VPS33A: variants seen among roughly 807,000 people sequenced by gnomAD.
VPS33A encodes vacuolar protein sorting-associated protein 33A.
Under a neutral mutation model 71.8 loss-of-function variants are expected in VPS33A, and 32 were observed. The ratio of observed to expected loss-of-function variants is 0.45; its 90% CI spans 0.34 to 0.60. The LOEUF (loss-of-function observed/expected upper bound fraction) is 0.60, where lower values mean the gene tolerates loss of function less well. VPS33A is among the 20% of genes least tolerant of loss of function. The probability of loss-of-function intolerance (pLI) is 0.02; values close to 1 mark genes in which losing one functional copy is unlikely to be tolerated. For synonymous variants in VPS33A, 311 were observed against 292.7 expected (o/e 1.06, Z -0.64); for missense variants, 625 against 748.5 (o/e 0.84, Z 1.92).
rs902448655 is a variant in VPS33A, at chr12:122,242,636, T to A, written c.970-128A>T. On this transcript the variant is annotated intron_variant, in intron 7 of 12. Coordinates refer to ENST00000267199, the MANE Select transcript of VPS33A (RefSeq NM_022916.6). Reference sequence around the variant, plus strand: ...GGCGCAATCTCGGCTCACTGCAACCTCCGCCTCCCAGGTTCAAGTGATTCT... The same window carrying A: ...GGCGCAATCTCGGCTCACTGCAACCACCGCCTCCCAGGTTCAAGTGATTCT... 59 of 1,198,702 alleles carry A rather than the reference T, an allele frequency of 4.9e-5. No homozygotes were observed. In the African/African-American group the frequency reaches 8.8e-4, roughly 18 times the overall value. The allele number at this position is 1,198,702 out of a possible 1,614,324, so 74.3% of individuals were successfully genotyped here.
chr12:122,235,310 G>T (rs1954615277), intron 11 of VPS33A, among the ~76,000 whole-genome samples: 1 of 149,440 alleles, frequency 6.7e-6, no homozygotes, highest in African/African-American at 2.5e-5. Flanking sequence ...TGTCGCCCAG[G>T]CTGGAGTGCA....
rs760325201 is a variant in VPS33A, at chr12:122,235,844, T to C, written c.1382A>G (p.Asn461Ser). The C allele has an allele frequency of 6.2e-7, 1 of 1,613,906 alleles. No individual in the cohort carries two copies. Among genetic ancestry groups the C allele is most frequent in the Non-Finnish European group, 8.5e-7 (1 of 1,179,948 alleles). Residue 461 changes from asparagine (N) to serine (S), a missense_variant, in exon 11 of 13, where the codon AAC becomes AGC. Transcript: ENST00000267199. ...TGTTTTCCGTATAGTTGGGTAATTG[T>C]TTCTGCCCCCCGTCTGCGGTTTCAG... ...GLLKPQTGGRNNYPTIRKTLR... is the reference protein window; with the variant it reads ...GLLKPQTGGRSNYPTIRKTLR...
At chr12:122,246,156 TG>T (rs1205091630) in intron 6 of VPS33A, among the ~76,000 whole-genome samples, 1 of 152,090 alleles carries the variant, frequency 6.6e-6, no homozygotes, top group African/African-American at 2.4e-5. Context: ...CCAAAAATCC[TG>T]CATCAGGGAA....
Position 122,232,903 on chromosome 12 carries a change from C to T in VPS33A, c.1506G>A (p.Leu502=). Residue 502 remains leucine, a synonymous_variant, in exon 12 of 13, where the codon CTG becomes CTA. Coordinates refer to ENST00000267199, the MANE Select transcript of VPS33A (RefSeq NM_022916.6). ...YAPLSVRLAQ[L]LSRPGWRSIE... is the part of the protein sequence containing the mutation. ...TGCTCCGCCAGCCAGGCCGGGAAAG[C>T]AGCTGGGCCAGCCGCACACTGAGCG... The T allele has an allele frequency of 6.2e-7, 1 of 1,614,020 alleles. No individual in the cohort carries two copies. Among genetic ancestry groups the T allele is most frequent in the South Asian group, 1.1e-5 (1 of 91,078 alleles).
At chr12:122,242,277 G>C (rs1228223540) in intron 8 of VPS33A, 105 bp downstream of exon 8, 1 of 1,386,226 alleles carries the variant, frequency 7.2e-7, no homozygotes, top group Non-Finnish European at 1.0e-6. Flanking sequence ...TATTAAGACA[G>C]AGCTGACTCT....
Position 122,232,233 on chromosome 12 carries a change from T to C in VPS33A, c.*13A>G. 1.2e-6 allele frequency: 2 copies of C among 1,600,494 alleles called. No individual in the cohort carries two copies. The highest frequency in any genetic ancestry group is 2.3e-5 in the South Asian group (2 of 88,624). On this transcript the variant is annotated 3_prime_UTR_variant, in exon 13 of 13. Transcript: ENST00000267199. ...TATTCTGCAGTACACTTGTTAAGTC[T>C]CCTCTGAACATCCTAGAAAGGTTTT... is the stretch of plus-strand genomic sequence containing the variant.
At chr12:122,257,868 T>C (rs1276886673) in intron 4 of VPS33A, among the ~76,000 whole-genome samples, 3 of 152,078 alleles carry the variant, frequency 2.0e-5, no homozygotes, top group Admixed American at 1.3e-4. Flanking sequence ...CATACAGACA[T>C]ATAGATCAGT....
chr12:122,234,828 C>G (rs1954608458), intron 11 of VPS33A, among the ~76,000 whole-genome samples: 2 of 152,166 alleles, frequency 1.3e-5, no homozygotes, highest in South Asian at 4.1e-4. Context: ...TGACCATACC[C>G]TCAGCCAGAG....
At position 122,230,789 on chromosome 12, in the gene VPS33A, A is replaced by T. The variant is rs1247356106; in HGVS notation, c.*1457T>A. The stretch of plus-strand genomic sequence containing the variant: ...TGGTGCCTTAACTCCTCCAGAAGCT[A>T]AGATGGAGGAGCAGAGGGGCAGAGA... On this transcript the variant is annotated 3_prime_UTR_variant, in exon 13 of 13. Coordinates refer to ENST00000267199, the MANE Select transcript of VPS33A (RefSeq NM_022916.6). 1 of 152,106 alleles carries T rather than the reference A, an allele frequency of 6.6e-6. No individual in the cohort carries two copies. Among genetic ancestry groups the T allele is most frequent in the Non-Finnish European group, 1.5e-5 (1 of 68,014 alleles). The allele number at this position is 152,106 out of a possible 1,614,324, so 9.4% of individuals were successfully genotyped here.
intron 11 of VPS33A, among the ~76,000 whole-genome samples, chr12:122,233,228 C>CT (rs11365018): frequency 1.0e-3 from 147 of 143,528 alleles, no homozygotes; most frequent in Middle Eastern, 3.6e-3. Flanking sequence ...TGGCATGAAA[C>CT]TTTTTTTTTT....
chr12:122,261,499 C>A (rs1006325789), intron 3 of VPS33A, 52 bp from the exon 4 acceptor site: 8 of 1,585,960 alleles, frequency 5.0e-6, no homozygotes, highest in African/African-American at 1.4e-5. Flanking sequence ...AGTCATGGAC[C>A]ATTTTGCTTT....
At chr12:122,235,229 G>A (rs1489141683) in intron 11 of VPS33A, among the ~76,000 whole-genome samples, 2 of 150,014 alleles carry the variant, frequency 1.3e-5, no homozygotes, top group African/African-American at 4.9e-5. Flanking sequence ...AATATACTGG[G>A]ATTACAAGAA....
chr12:122,258,771 A>T (rs1460004649), intron 4 of VPS33A, among the ~76,000 whole-genome samples: 1 of 152,010 alleles, frequency 6.6e-6, no homozygotes, highest in Non-Finnish European at 1.5e-5. Context: ...ACCTGAGGTC[A>T]GGAGTTCAAG....
chr12:122,261,396 G>A lies in VPS33A; in HGVS notation c.348C>T (p.Arg116=). 1.2e-6 allele frequency: 2 copies of A among 1,613,854 alleles called. No homozygotes were observed. The highest frequency in any genetic ancestry group is 1.7e-6 in the Non-Finnish European group (2 of 1,179,950). Reference sequence around the variant, plus strand: ...ACCGCTGTTCGCACAACAGGCTACGGCGTGGCACAAACAGAATATGAAAAT... The same window carrying A: ...ACCGCTGTTCGCACAACAGGCTACGACGTGGCACAAACAGAATATGAAAAT... ...TRDFHILFVP[R]RSLLCEQRLK... Residue 116 remains arginine, a synonymous_variant, in exon 4 of 13, where the codon CGC becomes CGT. Coordinates refer to ENST00000267199, the MANE Select transcript of VPS33A (RefSeq NM_022916.6).
intron 3 of VPS33A, 132 bp from the exon 4 acceptor site, chr12:122,261,579 G>A: frequency 1.2e-6 from 1 of 846,488 alleles, no homozygotes; most frequent in Non-Finnish European, 1.8e-6. Context: ...TATAAATACT[G>A]ACTCTCAGGC....
chr12:122,232,894 C>T lies in VPS33A; in HGVS notation c.1515G>A (p.Arg505=), dbSNP rs1954582551. 1 of 1,614,026 alleles carries T rather than the reference C, an allele frequency of 6.2e-7. No individual in the cohort carries two copies. Among genetic ancestry groups the T allele is most frequent in the Non-Finnish European group, 8.5e-7 (1 of 1,180,016 alleles). The change falls in exon 12 of 13, where the codon CGG becomes CGA. Residue 505 remains arginine (R), a synonymous_variant. Coordinates refer to ENST00000267199, the MANE Select transcript of VPS33A (RefSeq NM_022916.6). ...LSVRLAQLLS[R]PGWRSIEEVL... ...CCTCCTCGATGCTCCGCCAGCCAGGCCGGGAAAGCAGCTGGGCCAGCCGCA... is the reference window on the plus strand; with the variant it reads ...CCTCCTCGATGCTCCGCCAGCCAGGTCGGGAAAGCAGCTGGGCCAGCCGCA...
At chr12:122,254,402 C>G (rs1474133283) in intron 4 of VPS33A, among the ~76,000 whole-genome samples, 4 of 109,334 alleles carry the variant, frequency 3.7e-5, no homozygotes, top group Admixed American at 8.3e-5. Flanking sequence ...TCCACCCCCC[C>G]GCCTTTTTTT....
chr12:122,238,513 T>G (rs1954660084), intron 10 of VPS33A, 74 bp downstream of exon 10: 3 of 1,525,412 alleles, frequency 2.0e-6, no homozygotes, highest in Non-Finnish European at 1.8e-6. Flanking sequence ...TAAGCCACTG[T>G]GCCCGGCCCA....
intron 4 of VPS33A, among the ~76,000 whole-genome samples, chr12:122,257,105 A>T (rs1954929043): frequency 6.6e-6 from 1 of 152,000 alleles, no homozygotes; most frequent in Non-Finnish European, 1.5e-5. Context: ...TGCTTCTGGG[A>T]TAAGGGGCAG....
Sources: allele counts gnomAD v4.1 joint callset (sites outside exome capture counted in the v4.1 genomes callset), GRCh38; gene constraint gnomAD v4.1.1; transcripts MANE v1.5; gene names NCBI Gene and HGNC (gene_info 2026-07-23, HGNC 2026-07-21).